The following PNCK variants were observed in gnomAD, a reference collection of about 807,000 sequenced individuals.
PNCK encodes the protein pregnancy up-regulated nonubiquitous CaM kinase.
Under a neutral mutation model 28.3 loss-of-function variants are expected in PNCK, and 21 were observed. That is an observed-to-expected ratio of 0.74 (90% CI 0.53 to 1.07). The LOEUF (loss-of-function observed/expected upper bound fraction) is 1.07. Ranked by LOEUF, PNCK falls within the 50% of genes least tolerant of loss-of-function variation. The pLI is 0.00. For missense variants in PNCK, 250 were observed against 298.3 expected (o/e 0.84, Z 1.19); for synonymous variants, 136 against 125.2 (o/e 1.09, Z -0.58).
chrX:153,677,584 G>T (rs202130530), upstream of PNCK, among the ~76,000 whole-genome samples: 1 of 76,003 alleles, frequency 1.3e-5, no homozygotes, highest in African/African-American at 6.1e-5. Context: ...TGTATATATA[G>T]TGTATATATA....
At chrX:153,671,399 C>T in intron 6 of PNCK, 39 bp from the exon 7 acceptor site, 1 of 1,212,069 alleles carries the variant, frequency 8.3e-7, no homozygotes, top group East Asian at 3.0e-5. Context: ...CACAGGCACA[C>T]ACGCAGCCAT....
At chrX:153,677,823 T>G (rs782645421), upstream of PNCK, among the ~76,000 whole-genome samples, 1 of 105,185 alleles carries the variant, frequency 9.5e-6, no homozygotes, top group South Asian at 4.1e-4. Context: ...TGTATATATA[T>G]AGTGTATATA....
chrX:153,678,338 C>A (rs2148349101), upstream of PNCK, among the ~76,000 whole-genome samples: 1 of 111,072 alleles, frequency 9.0e-6, no homozygotes, highest in Admixed American at 9.6e-5. Context: ...CCTGTGGTCC[C>A]ACCTACTCGG....
At position 153,673,263 on chromosome X, in the gene PNCK, C is replaced by T. The variant is rs781855355; in HGVS notation, c.-2-185G>A. On this transcript the variant is annotated intron_variant, in intron 1 of 11. Transcript: ENST00000340888. ...CCCAGCGAGGCCACCGCATACACGC[C>T]TCCACATCCCAGGCCTACAGCTGCT... 6.3e-5 allele frequency: 75 copies of T among 1,197,228 alleles called. No individual in the cohort carries two copies. In the South Asian group the frequency reaches 1.3e-3, roughly 21 times the overall value.
upstream of PNCK, among the ~76,000 whole-genome samples, chrX:153,677,740 T>C (rs200353659): frequency 4.7e-3 from 381 of 81,462 alleles, 5 homozygotes; most frequent in African/African-American, 0.018. Flanking sequence ...GTATATATAG[T>C]GTGTATATAT....
rs942607265 is a variant in PNCK at position 153,670,244 on chromosome X, C to T, written c.*8-114G>A. 57 of 507,462 alleles carry T rather than the reference C, an allele frequency of 1.1e-4. No homozygotes were observed. In the African/African-American group the frequency reaches 1.3e-3, roughly 11 times the overall value. 41.8% of individuals were successfully genotyped at this position (507,462 alleles called of 1,213,427 possible). A position where few individuals can be genotyped will look rare whatever the true frequency, so the allele number is the denominator to read the frequency against. ...ACTTCTTAGAGGCCCTCTCCCCCTG[C>T]ACCCCCTTGCCCAATGTCAAGCACC... is the stretch of plus-strand genomic sequence containing the variant. On this transcript the variant is annotated intron_variant, in intron 11 of 11. Transcript: ENST00000340888.
In PNCK at chrX:153,671,171, AG is replaced by A. The variant is rs781891121; in HGVS notation, c.633del (p.Phe212SerfsTer14). 1.7e-6 allele frequency: 2 copies of A among 1,211,633 alleles called. No individual in the cohort carries two copies. The highest frequency in any genetic ancestry group is 2.2e-6 in the Non-Finnish European group (2 of 895,432). On this transcript the variant is annotated frameshift_variant, in exon 8 of 12. Transcript: ENST00000340888. LOFTEE classifies it high-confidence loss of function. ...AGCTCAGGGTCGCTCTCGTCGTAGA[AG>A]GGGGGGTACCCACACAGCCTGGCAC... ...ISYILLCGYP[P>X]FYDESDPELF...
Position 153,670,482 on chromosome X carries a change from C to G in PNCK, c.1007G>C (p.Arg336Pro). ...TCACCACTTGGGGGGCTGGCCAGCA[C>G]GGAGGCCTGAGTGGCTGTGGCGGGC... ...GMARHSHSGLRAGQPPKW is the reference protein window; with the variant it reads ...GMARHSHSGLPAGQPPKW The change falls in exon 11 of 12, where the codon CGT (arginine) becomes CCT (proline). Residue 336 changes from arginine (R) to proline (P), a missense_variant. Physicochemically the swap from Arg to Pro is moderately radical, Grantham distance 103. Transcript: ENST00000340888. The G allele has an allele frequency of 8.3e-7, 1 of 1,211,490 alleles. No individual in the cohort carries two copies. Among genetic ancestry groups the G allele is most frequent in the Non-Finnish European group, 1.1e-6 (1 of 895,487 alleles).
Position 153,672,991 on chromosome X carries a change from A to T in PNCK, c.68+18T>A, listed in dbSNP as rs989790648. The T allele has an allele frequency of 1.0e-5, 12 of 1,160,851 alleles. No individual in the cohort carries two copies. The East Asian group carries it at 1.6e-4, about 15-fold the overall frequency. On this transcript the variant is annotated intron_variant, in intron 2 of 11. Coordinates refer to ENST00000340888, the MANE Select transcript of PNCK (RefSeq NM_001366977.1). ...CACACACACACACACACGATCACAC[A>T]CGCGCGCGCACACTCACGAGCCGAG...
chrX:153,675,815 C>T (rs981306602), upstream of PNCK, among the ~76,000 whole-genome samples: 6 of 110,018 alleles, frequency 5.5e-5, no homozygotes, highest in Non-Finnish European at 5.7e-5. Context: ...CGTGAGCCAC[C>T]GCACCAGGCC....
At chrX:153,675,374 A>G (rs1303672301), upstream of PNCK, 1 of 112,372 alleles carries the variant, frequency 8.9e-6, no homozygotes, top group African/African-American at 3.2e-5. Context: ...ACTGGAGGCC[A>G]GAAGGAAAGC....
At chrX:153,680,756 G>A (rs899706398) in intron 1 of PNCK, among the ~76,000 whole-genome samples, 5 of 109,824 alleles carry the variant, frequency 4.6e-5, no homozygotes, top group Admixed American at 9.7e-5. Context: ...AGGGCTGGGC[G>A]CGGTGGCTCA....
At chrX:153,673,729 T>A in intron 1 of PNCK, 51 bp downstream of exon 1, 1 of 694,616 alleles carries the variant, frequency 1.4e-6, no homozygotes, top group Middle Eastern at 8.3e-4. Context: ...GCGGGCCGGA[T>A]CCGGTGCGCC....
chrX:153,673,702 G>T (rs1300709922), intron 1 of PNCK, 78 bp downstream of exon 1: 114 of 582,729 alleles, frequency 2.0e-4, no homozygotes, highest in Non-Finnish European at 2.3e-4. Flanking sequence ...CTGCGGACGC[G>T]CAAGGCTGCG....
Position 153,670,799 on chromosome X carries a change from A to C in PNCK, c.839T>G (p.Ile280Ser). The C allele has an allele frequency of 8.3e-7, 1 of 1,211,400 alleles. No homozygotes were observed. The highest frequency in any genetic ancestry group is 1.1e-6 in the Non-Finnish European group (1 of 895,008). ...GATCTGCTCACTGACAGAGCCTAAG[A>C]TGTCCCTGTCGAAGGCTGTGTCCCC... ...ISGDTAFDRD[I>S]LGSVSEQIRK... Residue 280 changes from isoleucine to serine, a missense_variant, in exon 10 of 12, where the codon ATC becomes AGC. By Grantham distance (142) the Ile-to-Ser change is moderately radical. Transcript: ENST00000340888.
intron 1 of PNCK, chrX:153,673,328 G>T: frequency 8.7e-7 from 1 of 1,146,991 alleles, no homozygotes. Flanking sequence ...GGCGACCAGC[G>T]CCTGGATGCT....
chrX:153,673,554 GCCAC>G, intron 1 of PNCK: 1 of 338,471 alleles, frequency 3.0e-6, no homozygotes, highest in Non-Finnish European at 4.7e-6. Context: ...CAAGACCGCG[GCCAC>G]CCACGCGGCC....
chrX:153,680,169 C>T (rs1396027396), intron 1 of PNCK, among the ~76,000 whole-genome samples: 2 of 109,766 alleles, frequency 1.8e-5, no homozygotes, highest in Non-Finnish European at 3.8e-5. Context: ...TGATGTGATA[C>T]GGTTTGGATG....
chrX:153,681,414 G>A (rs368972687), intron 1 of PNCK, among the ~76,000 whole-genome samples: 2 of 111,463 alleles, frequency 1.8e-5, no homozygotes, highest in Admixed American at 9.5e-5. Context: ...CATGGCCCCC[G>A]ATGAGGCGCT....
Sources: allele counts gnomAD v4.1 joint callset (sites outside exome capture counted in the v4.1 genomes callset), GRCh38; gene constraint gnomAD v4.1.1; transcripts MANE v1.5; gene names NCBI Gene and HGNC (gene_info 2026-07-23, HGNC 2026-07-21).